TOR1AIP2: variants seen among roughly 807,000 people sequenced by gnomAD.
TOR1AIP2 encodes torsin 1A interacting protein 2.
A neutral mutation model predicts 32.6 loss-of-function variants in TOR1AIP2; 20 were observed. That is an observed-to-expected ratio of 0.61 (90% CI 0.43 to 0.89). The LOEUF (loss-of-function observed/expected upper bound fraction) is 0.89. Ranked by LOEUF, TOR1AIP2 falls within the 40% of genes least tolerant of loss-of-function variation. The pLI is 0.00. For missense variants in TOR1AIP2, 456 were observed against 553.8 expected (o/e 0.82, Z 1.77); for synonymous variants, 214 against 210.8 (o/e 1.02, Z -0.13).
intron 2 of TOR1AIP2, among the ~76,000 whole-genome samples, chr1:179,870,908 G>A (rs1325654919): frequency 6.6e-6 from 1 of 152,182 alleles, no homozygotes; most frequent in Non-Finnish European, 1.5e-5. Flanking sequence ...ATTACTTTAT[G>A]ATTGTTAAAC....
chr1:179,848,264 G>T (rs746459969), intron 5 of TOR1AIP2, among the ~76,000 whole-genome samples: 2 of 152,132 alleles, frequency 1.3e-5, no homozygotes, highest in Non-Finnish European at 2.9e-5. Context: ...ATCAAGAAGG[G>T]ATTTAAGAAA....
chr1:179,858,248 G>C (rs1240922350), intron 3 of TOR1AIP2, among the ~76,000 whole-genome samples: 1 of 151,926 alleles, frequency 6.6e-6, no homozygotes, highest in Non-Finnish European at 1.5e-5. Context: ...TCCATTTTTT[G>C]TCACTACAGA....
At chr1:179,850,184 G>A (rs1022982621) in intron 5 of TOR1AIP2, among the ~76,000 whole-genome samples, 5 of 151,726 alleles carry the variant, frequency 3.3e-5, no homozygotes, top group Non-Finnish European at 5.9e-5. Flanking sequence ...GAAGCACCAG[G>A]AAGGGAAGAT....
intron 3 of TOR1AIP2, among the ~76,000 whole-genome samples, chr1:179,855,607 C>A (rs1480102819): frequency 6.6e-6 from 1 of 152,108 alleles, no homozygotes; most frequent in African/African-American, 2.4e-5. Flanking sequence ...ATGAAGTAAA[C>A]CTGTTACTAC....
chr1:179,877,780 C>G lies in TOR1AIP2; in HGVS notation c.-788G>C, dbSNP rs1224024422. 6.6e-6 allele frequency: 1 copy of G among 152,256 alleles called. No individual in the cohort carries two copies. The highest frequency in any genetic ancestry group is 1.5e-5 in the Non-Finnish European group (1 of 68,088). The allele number at this position is 152,256 out of a possible 1,614,324, so 9.4% of individuals were successfully genotyped here. On this transcript the variant is annotated 5_prime_UTR_variant, in exon 1 of 7. Transcript: ENST00000609928. ...CTCCGCTCCACACCGCTCGGCTGCA[C>G]CCAGCGGCCGCCGCGGCCCGAATGT...
Position 179,845,602 on chromosome 1 carries a change from G to T in TOR1AIP2, c.*469C>A, listed in dbSNP as rs1227345020. ...CGTAACTTTAGATTATTAAAGTAAGGTTTGAAAATATTCAACATGTGATAG... is the reference window on the plus strand; with the variant it reads ...CGTAACTTTAGATTATTAAAGTAAGTTTTGAAAATATTCAACATGTGATAG... On this transcript the variant is annotated 3_prime_UTR_variant, in exon 7 of 7. Coordinates refer to ENST00000609928, the MANE Select transcript of TOR1AIP2 (RefSeq NM_001199260.2). 6.5e-6 allele frequency: 1 copy of T among 152,900 alleles called. No individual in the cohort carries two copies. The highest frequency in any genetic ancestry group is 1.5e-5 in the Non-Finnish European group (1 of 68,724). The allele number at this position is 152,900 out of a possible 1,614,324, so 9.5% of individuals were successfully genotyped here.
At chr1:179,870,885 C>T (rs116535286) in intron 2 of TOR1AIP2, among the ~76,000 whole-genome samples, 2,194 of 152,188 alleles carry the variant, frequency 0.014, 24 homozygotes, top group Middle Eastern at 0.061. Context: ...ATAAAAATAC[C>T]TTGAGAACTA....
In TOR1AIP2 at chr1:179,845,758, G is replaced by T; in HGVS notation, c.*313C>A. The T allele has an allele frequency of 4.5e-6, 1 of 220,154 alleles. No individual in the cohort carries two copies. Among genetic ancestry groups the T allele is most frequent in the Non-Finnish European group, 8.8e-6 (1 of 113,236 alleles). 13.6% of individuals were successfully genotyped at this position (220,154 alleles called of 1,614,324 possible). Reference sequence around the variant, plus strand: ...AATCACTCTGTAGTTACTCTAAGAAGTAAGAGTATCTTCCTGTGCAATGTT... The same window carrying T: ...AATCACTCTGTAGTTACTCTAAGAATTAAGAGTATCTTCCTGTGCAATGTT... On this transcript the variant is annotated 3_prime_UTR_variant, in exon 7 of 7. Transcript: ENST00000609928.
intron 3 of TOR1AIP2, chr1:179,865,157 T>C (rs1245080182): frequency 1.9e-6 from 3 of 1,607,688 alleles, no homozygotes; most frequent in Non-Finnish European, 2.5e-6. Flanking sequence ...ATCAGGGCAA[T>C]GTGAATTATC....
Position 179,856,628 on chromosome 1 carries a change from TC to T in TOR1AIP2, c.-146-3818del, listed in dbSNP as rs921375873. The stretch of plus-strand genomic sequence containing the variant: ...TTTCAGAGGCAGGTCAATCTTTTTT[TC>T]CCCCCCAAGATAGAATCTCACTCTT... On this transcript the variant is annotated intron_variant, in intron 3 of 6. Transcript: ENST00000609928. Among the ~76,000 whole-genome samples, 101 of 147,890 alleles carry T rather than the reference TC, an allele frequency of 6.8e-4. No homozygotes were observed. The Middle Eastern group carries it at 0.014, about 20-fold the overall frequency.
chr1:179,852,021 A>G (rs1489221842), intron 4 of TOR1AIP2, among the ~76,000 whole-genome samples: 1 of 152,212 alleles, frequency 6.6e-6, no homozygotes, highest in African/African-American at 2.4e-5. Flanking sequence ...TGGCTCATGC[A>G]TGTAATCCCA....
chr1:179,860,056 C>G (rs1343275091), intron 3 of TOR1AIP2: 2 of 852,594 alleles, frequency 2.3e-6, no homozygotes, highest in Non-Finnish European at 2.8e-6. Context: ...CTATGTTGCT[C>G]AGGCTTGTTT....
intron 3 of TOR1AIP2, chr1:179,859,535 A>G: frequency 2.0e-6 from 2 of 985,464 alleles, no homozygotes; most frequent in African/African-American, 1.7e-5. Flanking sequence ...GAATTTGTAC[A>G]TATCCTTCAA....
At chr1:179,875,279 A>T (rs1031391905) in intron 2 of TOR1AIP2, 15 of 152,198 alleles carry the variant, frequency 9.9e-5, no homozygotes, top group African/African-American at 3.6e-4. Flanking sequence ...CTGGGACTAT[A>T]GGCGTGAGCC....
At chr1:179,860,176 T>C (rs866716838) in intron 3 of TOR1AIP2, 3 of 985,276 alleles carry the variant, frequency 3.0e-6, no homozygotes, top group African/African-American at 1.7e-5. Flanking sequence ...GTTCAAACAA[T>C]TGGCTTAGTT....
intron 6 of TOR1AIP2, among the ~76,000 whole-genome samples, chr1:179,847,181 A>G (rs1695939859): frequency 6.6e-6 from 1 of 152,176 alleles, no homozygotes; most frequent in Non-Finnish European, 1.5e-5. Flanking sequence ...TCATCTTCTC[A>G]ATGCACCTAC....
At chr1:179,863,343 T>G (rs1210429674) in intron 3 of TOR1AIP2, 1 of 984,650 alleles carries the variant, frequency 1.0e-6, no homozygotes, top group Admixed American at 6.2e-5. Context: ...TGTAAACTGG[T>G]ACTTTCTAAT....
At chr1:179,869,253 G>C (rs886221122) in intron 2 of TOR1AIP2, 5 of 152,078 alleles carry the variant, frequency 3.3e-5, no homozygotes, top group Admixed American at 1.3e-4. Flanking sequence ...TGGGATTACA[G>C]GCGTAAGCCA....
chr1:179,870,711 C>T (rs1004251564), intron 2 of TOR1AIP2, among the ~76,000 whole-genome samples: 1 of 152,134 alleles, frequency 6.6e-6, no homozygotes, highest in African/African-American at 2.4e-5. Flanking sequence ...TTAAAAACTT[C>T]CATTATTTTA....
Sources: gnomAD v4.1 joint callset for allele counts (sites outside exome capture counted in the v4.1 genomes callset) on GRCh38, gnomAD v4.1.1 for gene constraint, MANE v1.5 for transcripts, NCBI Gene and HGNC (gene_info 2026-07-23, HGNC 2026-07-21) for gene names.